Variants in RALGDS observed in about 807,000 individuals in gnomAD.
The protein encoded by RALGDS is ral guanine nucleotide dissociation stimulator.
Under a neutral mutation model 99.8 loss-of-function variants are expected in RALGDS, and 44 were observed. The observed-to-expected ratio is 0.44, with a 90% CI of 0.35 to 0.57. The LOEUF is 0.57. RALGDS is among the 20% of genes least tolerant of loss of function. RALGDS has a pLI of 0.01. For synonymous variants in RALGDS, 529 were observed against 505.0 expected, an observed-to-expected ratio of 1.05 and a Z score of -0.64; for missense variants, 1,022 against 1,203.1, an observed-to-expected ratio of 0.85 and a Z score of 2.23.
At chr9:133,099,107 G>A in intron 17 of RALGDS, 2 of 328,434 alleles carry the variant, frequency 6.1e-6, no homozygotes, top group East Asian at 1.4e-4. Flanking sequence ...CCAGAATCCT[G>A]CCCTACTCAG....
At position 133,102,091 on chromosome 9, in the gene RALGDS, G is replaced by A. The variant is rs1393794754; in HGVS notation, c.2058C>T (p.Ser686=). The A allele has an allele frequency of 5.7e-6, 9 of 1,574,298 alleles. No individual in the cohort carries two copies. Among genetic ancestry groups the A allele is most frequent in the Non-Finnish European group, 5.2e-6 (6 of 1,159,600 alleles). ...CACACCTGAGCTGGTCACAGGACTT[G>A]GAGTGGGAGCTGCCACTGGTACTGA... ...TELSTSGSSH[S]KSCDQLRCGP... The change falls in exon 15 of 18, where the codon TCC becomes TCT. Residue 686 remains serine (S), a synonymous_variant. Coordinates refer to ENST00000372050, the MANE Select transcript of RALGDS (RefSeq NM_006266.4).
At chr9:133,106,386 G>C (rs533976861) in intron 8 of RALGDS, among the ~76,000 whole-genome samples, 13 of 152,126 alleles carry the variant, frequency 8.5e-5, no homozygotes, top group Non-Finnish European at 1.9e-4. Context: ...TAGCCATTGC[G>C]CCTGGCACAA....
Position 133,107,113 on chromosome 9 carries a change from A to G in RALGDS, c.1385T>C (p.Val462Ala). The change falls in exon 7 of 18, where the codon GTG becomes GCG. Residue 462 changes from valine (V) to alanine (A), a missense_variant. Val to Ala is a moderately conservative substitution (Grantham distance 64). Around this residue, in one of 3 missense-constraint regions of RALGDS, gnomAD observed 825 missense variants for 994.5 expected, o/e 0.83. Transcript: ENST00000372050. ...RSTKAPDRARVVEHWIEVARE... is the reference protein window; with the variant it reads ...RSTKAPDRARAVEHWIEVARE... ...GGCCACCTCGATCCAGTGCTCCACC[A>G]CCCTGGCCCTGTCTGGGGCTTTCGT... 1 of 1,613,578 alleles carries G rather than the reference A, an allele frequency of 6.2e-7. No individual in the cohort carries two copies. Among genetic ancestry groups the G allele is most frequent in the Non-Finnish European group, 8.5e-7 (1 of 1,180,022 alleles).
intron 16 of RALGDS, chr9:133,100,775 T>C (rs1473561280): frequency 2.6e-6 from 3 of 1,155,306 alleles, no homozygotes; most frequent in Non-Finnish European, 3.2e-6. Flanking sequence ...CCGGCCAGGA[T>C]GCTCAGTGTG....
chr9:133,104,320 G>A lies in RALGDS; in HGVS notation c.1614C>T (p.Ser538=). 1.2e-6 allele frequency: 2 copies of A among 1,613,328 alleles called. No individual in the cohort carries two copies. Among genetic ancestry groups the A allele is most frequent in the Non-Finnish European group, 1.7e-6 (2 of 1,179,326 alleles). ...SRELLIKEGT[S]KFATLEMNPK... ...GGTTCATCTCCAGGGTGGCAAACTT[G>A]GAGGTGCCCTCCTGCCAGGGTAGAG... Residue 538 remains serine, a synonymous_variant, in exon 10 of 18, where the codon TCC becomes TCT. Coordinates refer to ENST00000372050, the MANE Select transcript of RALGDS (RefSeq NM_006266.4).
intron 1 of RALGDS, among the ~76,000 whole-genome samples, chr9:133,128,239 A>T (rs1034610660): frequency 1.3e-5 from 2 of 152,042 alleles, no homozygotes; most frequent in African/African-American, 4.8e-5. Context: ...ACTGAACCCA[A>T]GACCCAAAAG....
chr9:133,133,198 G>A (rs1363284667), upstream of RALGDS, among the ~76,000 whole-genome samples: 1 of 152,252 alleles, frequency 6.6e-6, no homozygotes, highest in Admixed American at 6.5e-5. Flanking sequence ...CCTGGCCTCA[G>A]GGCCTAATCC....
chr9:133,103,356 G>A (rs1351616376), intron 11 of RALGDS, 94 bp from the exon 12 acceptor site: 8 of 1,494,022 alleles, frequency 5.4e-6, no homozygotes, highest in Non-Finnish European at 7.5e-6. Flanking sequence ...TGCCCACCAG[G>A]GGGCAGGGCA....
intron 1 of RALGDS, among the ~76,000 whole-genome samples, chr9:133,141,982 G>T (rs761804485): frequency 6.6e-6 from 1 of 152,190 alleles, no homozygotes; most frequent in Non-Finnish European, 1.5e-5. Flanking sequence ...GGTACCACAC[G>T]TGGTACCCCA....
rs1397003742 is a variant in RALGDS, at chr9:133,107,226, C to T, written c.1272G>A (p.Glu424=). The change falls in exon 7 of 18, where the codon GAG becomes GAA. Residue 424 remains glutamate, a synonymous_variant. Transcript: ENST00000372050. ...TGGCGCGGATGGTGGGCGCCAGGTGCTCCTTGCCCTTCTTGTCCCGCTGGG... is the reference window on the plus strand; with the variant it reads ...TGGCGCGGATGGTGGGCGCCAGGTGTTCCTTGCCCTTCTTGTCCCGCTGGG... ...IWSQRDKKGK[E]HLAPTIRATV... is the part of the protein sequence containing the mutation. 3.1e-6 allele frequency: 5 copies of T among 1,613,658 alleles called. No homozygotes were observed. The highest frequency in any genetic ancestry group is 2.2e-5 in the South Asian group (2 of 91,096).
At chr9:133,102,371 G>A (rs534130619) in intron 14 of RALGDS, 105 bp downstream of exon 14, 2 of 1,324,688 alleles carry the variant, frequency 1.5e-6, no homozygotes, top group African/African-American at 2.9e-5. Context: ...CAGCAGCAGG[G>A]TAGGATTCCA....
At chr9:133,127,400 G>A (rs1048673152) in intron 1 of RALGDS, among the ~76,000 whole-genome samples, 6 of 152,260 alleles carry the variant, frequency 3.9e-5, no homozygotes. Context: ...TCAGGCCCTG[G>A]TGGAAAACCT....
chr9:133,100,576 C>G (rs1830710004), intron 16 of RALGDS, 194 bp from the exon 17 acceptor site: 3 of 1,453,556 alleles, frequency 2.1e-6, no homozygotes, highest in East Asian at 5.1e-5. Context: ...TCCTTCTGTT[C>G]CCCATGTGAG....
chr9:133,132,523 G>A (rs1832353843), upstream of RALGDS, among the ~76,000 whole-genome samples: 1 of 152,186 alleles, frequency 6.6e-6, no homozygotes, highest in Admixed American at 6.5e-5. Flanking sequence ...GTGTGACCTC[G>A]CAGCCTAGCC....
intron 1 of RALGDS, among the ~76,000 whole-genome samples, chr9:133,118,292 C>A (rs1831719162): frequency 6.6e-6 from 1 of 152,224 alleles, no homozygotes; most frequent in Admixed American, 6.5e-5. Context: ...GGGGATTAAA[C>A]CGAAGACCTG....
intron 9 of RALGDS, 21 bp from the exon 10 acceptor site, chr9:133,104,352 G>A (rs758670247): frequency 6.9e-6 from 11 of 1,600,850 alleles, no homozygotes; most frequent in Non-Finnish European, 9.4e-6. Flanking sequence ...AGAGGACAGG[G>A]TCAGCAAGGC....
intron 3 of RALGDS, among the ~76,000 whole-genome samples, chr9:133,109,966 C>A (rs978002817): frequency 6.6e-6 from 1 of 152,190 alleles, no homozygotes; most frequent in African/African-American, 2.4e-5. Context: ...ATCTCCTTGA[C>A]AAGTGGGAAA....
intron 1 of RALGDS, among the ~76,000 whole-genome samples, chr9:133,117,773 A>G (rs1831685165): frequency 6.6e-6 from 1 of 152,236 alleles, no homozygotes; most frequent in African/African-American, 2.4e-5. Context: ...CATGGGAGCC[A>G]TCTGGGCGGC....
chr9:133,145,973 A>C (rs1418478219), intron 1 of RALGDS, among the ~76,000 whole-genome samples: 1 of 152,196 alleles, frequency 6.6e-6, no homozygotes, highest in Non-Finnish European at 1.5e-5. Context: ...GAAACTTCTC[A>C]CAGGGGCGAG....
Sources: gnomAD v4.1 joint callset for allele counts (sites outside exome capture counted in the v4.1 genomes callset) on GRCh38, gnomAD v4.1.1 for gene constraint, gnomAD v4.1.1 regional missense constraint, MANE v1.5 for transcripts, NCBI Gene and HGNC (gene_info 2026-07-23, HGNC 2026-07-21) for gene names.